The following ESRRG variants were observed in gnomAD, a reference collection of about 807,000 sequenced individuals.
The protein encoded by ESRRG is estrogen related receptor gamma.
Under a neutral mutation model 44.0 loss-of-function variants are expected in ESRRG, and 13 were observed. The observed-to-expected ratio is 0.30, with a 90% CI of 0.19 to 0.47. The LOEUF (loss-of-function observed/expected upper bound fraction) is 0.47, where lower values mean the gene tolerates loss of function less well. Among genes scored for constraint, ESRRG ranks in the 20% least tolerant of loss-of-function variants. The pLI, the probability that ESRRG is intolerant of heterozygous loss-of-function variation, is 1.00. For missense variants in ESRRG, 395 were observed against 580.6 expected, an observed-to-expected ratio of 0.68 and a Z score of 3.29; for synonymous variants, 215 against 214.6, an observed-to-expected ratio of 1.00 and a Z score of -0.02.
At position 216,528,942 on chromosome 1, in the gene ESRRG, C is replaced by T. The variant is rs181860500; in HGVS notation, c.863-9521G>A. Among the ~76,000 whole-genome samples the T allele has an allele frequency of 2.2e-3, 338 of 152,170 alleles. 1 individual carries two copies. The highest frequency in any genetic ancestry group is 3.6e-3 in the Non-Finnish European group (243 of 68,004). On this transcript the variant is annotated intron_variant, in intron 5 of 6. Coordinates refer to ENST00000408911, the MANE Select transcript of ESRRG (RefSeq NM_001438.4). ...TTGCAGCACCAAGGGAGTAAGGGCC[C>T]TTCCTATGATAAAGCAGCAGATTAG...
At chr1:216,511,218 G>A (rs1218407519) in intron 6 of ESRRG, among the ~76,000 whole-genome samples, 1 of 152,064 alleles carries the variant, frequency 6.6e-6, no homozygotes, top group Admixed American at 6.5e-5. Context: ...GAAACAGAAT[G>A]TCATGGAAAG....
At chr1:216,950,134 C>A (rs2066718338) in intron 1 of ESRRG, among the ~76,000 whole-genome samples, 1 of 152,132 alleles carries the variant, frequency 6.6e-6, no homozygotes, top group African/African-American at 2.4e-5. Context: ...TGAGTTACTT[C>A]AGCAAAATGA....
chr1:216,605,608 T>C (rs557731719), intron 3 of ESRRG, among the ~76,000 whole-genome samples: 1 of 152,310 alleles, frequency 6.6e-6, no homozygotes, highest in Non-Finnish European at 1.5e-5. Context: ...ATTGTTGTAC[T>C]ATAATTATAC....
intron 1 of ESRRG, among the ~76,000 whole-genome samples, chr1:216,703,330 T>C (rs1437622586): frequency 6.6e-6 from 1 of 152,132 alleles, no homozygotes; most frequent in Non-Finnish European, 1.5e-5. Context: ...ATAAAAATCT[T>C]ATAATGTTTT....
At chr1:216,734,728 T>C (rs1349333212) in intron 2 of ESRRG, among the ~76,000 whole-genome samples, 1 of 152,194 alleles carries the variant, frequency 6.6e-6, no homozygotes, top group South Asian at 2.1e-4. Context: ...TTGAGTTTTT[T>C]AAAAATGAGT....
intron 2 of ESRRG, among the ~76,000 whole-genome samples, chr1:216,838,694 G>A (rs1034830094): frequency 6.6e-6 from 1 of 152,130 alleles, no homozygotes; most frequent in African/African-American, 2.4e-5. Context: ...CCAGACCACT[G>A]CAATAAAGTG....
rs557905249 is a variant in ESRRG, at chr1:217,032,381, T to C, written c.-106+57126A>G. On this transcript the variant is annotated intron_variant, in intron 1 of 7. Transcript: ENST00000359162. ...ATAGTGCATTCTTCCCAGTTACTTC[T>C]AGTGGAGGATAAAACAATAGACTCA... is the stretch of plus-strand genomic sequence containing the variant. Among the ~76,000 whole-genome samples the C allele has an allele frequency of 1.2e-4, 18 of 152,256 alleles. No individual in the cohort carries two copies. The South Asian group carries it at 3.7e-3, about 32-fold the overall frequency.
At chr1:216,644,415 G>GTTTC (rs1295281006) in intron 3 of ESRRG, among the ~76,000 whole-genome samples, 2 of 127,906 alleles carry the variant, frequency 1.6e-5, no homozygotes, top group African/African-American at 6.0e-5. Flanking sequence ...GATACTTTAT[G>GTTTC]TTTCTTTCTT....
chr1:216,807,472 GTTTCT>G (rs1276001644), intron 2 of ESRRG, among the ~76,000 whole-genome samples: 2 of 151,954 alleles, frequency 1.3e-5, no homozygotes, highest in African/African-American at 4.8e-5. Context: ...TTTCAACATA[GTTTCT>G]TTTATTTCTG....
In ESRRG at chr1:216,797,558, A is replaced by G. The variant is rs190567765; in HGVS notation, c.-13-120067T>C. Among the ~76,000 whole-genome samples, 58 of 152,282 alleles carry G rather than the reference A, an allele frequency of 3.8e-4. 1 individual carries two copies. In the East Asian group the frequency reaches 0.011, roughly 29 times the overall value. ...CACAGGTTACGTAAAGGGGGGAAAA[A>G]AATCCCATTACCATAGGATTTTCCT... On this transcript the variant is annotated intron_variant, in intron 2 of 7. Coordinates refer to the ESRRG transcript ENST00000359162.
chr1:216,890,910 T>C (rs1030196870), intron 2 of ESRRG, among the ~76,000 whole-genome samples: 8 of 152,200 alleles, frequency 5.3e-5, no homozygotes, highest in African/African-American at 1.9e-4. Context: ...AAATCGTCCA[T>C]TTAATTTCCC....
chr1:216,620,439 A>G (rs1324249572), intron 3 of ESRRG, among the ~76,000 whole-genome samples: 1 of 152,088 alleles, frequency 6.6e-6, no homozygotes, highest in Non-Finnish European at 1.5e-5. Context: ...TATCTACTTA[A>G]TTTTTCATCC....
chr1:217,013,958 C>A (rs930803115), intron 1 of ESRRG, among the ~76,000 whole-genome samples: 1 of 152,112 alleles, frequency 6.6e-6, no homozygotes, highest in Non-Finnish European at 1.5e-5. Flanking sequence ...GAACGGATTG[C>A]ATTTAGTGCC....
chr1:217,065,160 G>A (rs1484861882), intron 1 of ESRRG, among the ~76,000 whole-genome samples: 1 of 152,204 alleles, frequency 6.6e-6, no homozygotes, highest in East Asian at 1.9e-4. Flanking sequence ...CTGCTGCTCA[G>A]AATGCTGATA....
intron 3 of ESRRG, among the ~76,000 whole-genome samples, chr1:216,632,666 C>T (rs1028439685): frequency 2.0e-4 from 31 of 151,676 alleles, no homozygotes; most frequent in African/African-American, 7.5e-4. Context: ...TATGATTTAC[C>T]TGTACTAGTC....
At chr1:217,091,670 C>T (rs946928157), upstream of ESRRG, among the ~76,000 whole-genome samples, 1 of 152,168 alleles carries the variant, frequency 6.6e-6, no homozygotes, top group African/African-American at 2.4e-5. Context: ...TTATCTGTCC[C>T]TTTGGCATGC....
chr1:217,113,279 C>T (rs915454289), intron 1 of ESRRG, among the ~76,000 whole-genome samples: 1 of 152,160 alleles, frequency 6.6e-6, no homozygotes, highest in African/African-American at 2.4e-5. Flanking sequence ...ACAGTTAAGA[C>T]TGGACCCTAA....
At chr1:217,051,206 G>GGGA (rs1553259224) in intron 1 of ESRRG, among the ~76,000 whole-genome samples, 1 of 110,256 alleles carries the variant, frequency 9.1e-6, no homozygotes, top group African/African-American at 2.9e-5. Context: ...AATGGGGGCG[G>GGGA]GGGGGGGGGG....
At chr1:217,050,765 CA>C (rs1165603966) in intron 1 of ESRRG, among the ~76,000 whole-genome samples, 1 of 152,046 alleles carries the variant, frequency 6.6e-6, no homozygotes. Flanking sequence ...AGACTCTCAC[CA>C]AAATAAATGA....
Sources: gnomAD v4.1 joint callset for allele counts (sites outside exome capture counted in the v4.1 genomes callset) on GRCh38, gnomAD v4.1.1 for gene constraint, MANE v1.5 for transcripts, NCBI Gene and HGNC (gene_info 2026-07-23, HGNC 2026-07-21) for gene names.